Variants in WWC2 observed in about 807,000 individuals in gnomAD.
WWC2 encodes the protein protein WWC2.
In WWC2, 101 loss-of-function variants were observed where a neutral mutation model predicts 138.5. The observed-to-expected ratio is 0.73, with a 90% CI of 0.62 to 0.86. The LOEUF (loss-of-function observed/expected upper bound fraction) is 0.86. Among genes scored for constraint, WWC2 ranks in the 40% least tolerant of loss-of-function variants. The pLI is 0.00. For missense variants in WWC2, 1,420 were observed against 1,419.4 expected, an observed-to-expected ratio of 1.00 and a Z score of -0.01; for synonymous variants, 558 against 538.4, an observed-to-expected ratio of 1.04 and a Z score of -0.50.
At position 183,207,960 on chromosome 4, in the gene WWC2, G is replaced by T; in HGVS notation, c.249G>T (p.Thr83=). The change falls in exon 3 of 23, where the codon ACG becomes ACT. Residue 83 remains threonine, a synonymous_variant. Coordinates refer to ENST00000403733, the MANE Select transcript of WWC2 (RefSeq NM_024949.6). ...VYYIDHINKT[T]QIEDPRKQWR... Reference sequence around the variant, plus strand: ...TCCACCTAATGTTTTCAGAAACCACGCAGATAGAAGATCCAAGAAAACAAT... The same window carrying T: ...TCCACCTAATGTTTTCAGAAACCACTCAGATAGAAGATCCAAGAAAACAAT... 6.2e-7 allele frequency: 1 copy of T among 1,607,236 alleles called. No individual in the cohort carries two copies. Among genetic ancestry groups the T allele is most frequent in the Non-Finnish European group, 8.5e-7 (1 of 1,176,608 alleles).
At chr4:183,292,346 GAA>G (rs70956575) in intron 21 of WWC2, among the ~76,000 whole-genome samples, 20 of 145,616 alleles carry the variant, frequency 1.4e-4, no homozygotes, top group South Asian at 2.2e-4. Flanking sequence ...CATCTCCATG[GAA>G]AAAAAAAAAA....
intron 9 of WWC2, among the ~76,000 whole-genome samples, chr4:183,257,492 G>A (rs1053177103): frequency 6.6e-6 from 1 of 152,146 alleles, no homozygotes; most frequent in East Asian, 1.9e-4. Context: ...CCAGGGGGAG[G>A]AATCTTTTAA....
chr4:183,126,431 G>T (rs533145757), intron 1 of WWC2, among the ~76,000 whole-genome samples: 22 of 152,294 alleles, frequency 1.4e-4, no homozygotes, highest in African/African-American at 5.3e-4. Context: ...GCATCATGGG[G>T]CTTCTCAAAT....
chr4:183,269,170 T>G lies in WWC2; in HGVS notation c.2400+7T>G. The G allele has an allele frequency of 6.3e-7, 1 of 1,595,280 alleles. No individual in the cohort carries two copies. The highest frequency in any genetic ancestry group is 2.2e-5 in the East Asian group (1 of 44,542). ...CCGAAGGGAAGAATGCCTGGTAGGA[T>G]TCTTCATAATTCCCATTACCAAATA... is the stretch of plus-strand genomic sequence containing the variant. On this transcript the variant is annotated splice_region_variant and intron_variant, in intron 15 of 22. Transcript: ENST00000403733.
At chr4:183,260,772 G>A in intron 10 of WWC2, 138 bp from the exon 11 acceptor site, 1 of 1,158,360 alleles carries the variant, frequency 8.6e-7, no homozygotes, top group African/African-American at 1.6e-5. Flanking sequence ...GTAATATAGG[G>A]AGTTCCTCTG....
chr4:183,314,835 G>A (rs955306893), intron 22 of WWC2, among the ~76,000 whole-genome samples: 2 of 152,164 alleles, frequency 1.3e-5, no homozygotes, highest in African/African-American at 4.8e-5. Context: ...TCGTTCCAGT[G>A]TCCATAGTGT....
chr4:183,244,743 T>TA (rs112249633), intron 5 of WWC2, among the ~76,000 whole-genome samples: 6,587 of 152,234 alleles, frequency 0.043, 507 homozygotes, highest in African/African-American at 0.15. Flanking sequence ...AAACATTATG[T>TA]AAATCAGGTG....
At chr4:183,284,039 A>C (rs1188584630) in intron 18 of WWC2, among the ~76,000 whole-genome samples, 187 bp from the exon 19 acceptor site, 2 of 152,234 alleles carry the variant, frequency 1.3e-5, no homozygotes, top group African/African-American at 4.8e-5. Context: ...AGAAAACTGA[A>C]GAACAATTCT....
chr4:183,271,075 C>G lies in WWC2; in HGVS notation c.2401-5C>G. On this transcript the variant is annotated splice_region_variant and splice_polypyrimidine_tract_variant and intron_variant, in intron 15 of 22. Transcript: ENST00000403733. ...TTTTTTCTTTGTTTTCTTTCACTTA[C>G]ATAGGCTGGAACTCAGATCAGCCTG... The G allele has an allele frequency of 6.5e-7, 1 of 1,536,788 alleles. No homozygotes were observed. The highest frequency in any genetic ancestry group is 1.4e-5 in the African/African-American group (1 of 71,796).
At chr4:183,132,476 C>G (rs1406131338) in intron 1 of WWC2, among the ~76,000 whole-genome samples, 1 of 147,296 alleles carries the variant, frequency 6.8e-6, no homozygotes, top group East Asian at 2.0e-4. Flanking sequence ...TTTTTTGAGA[C>G]GGAGTCTCGC....
At chr4:183,269,311 T>TC in intron 15 of WWC2, 148 bp downstream of exon 15, 1 of 795,742 alleles carries the variant, frequency 1.3e-6, no homozygotes, top group South Asian at 1.6e-5. Context: ...TTCATTTTTT[T>TC]CTGAAGTAGT....
At position 183,289,432 on chromosome 4, in the gene WWC2, T is replaced by C; in HGVS notation, c.3181T>C (p.Cys1061Arg). The change falls in exon 21 of 23, where the codon TGC (cysteine) becomes CGC (arginine). Residue 1061 changes from cysteine (C) to arginine (R), a missense_variant. Physicochemically the swap from Cys to Arg is radical, Grantham distance 180. Coordinates refer to ENST00000403733, the MANE Select transcript of WWC2 (RefSeq NM_024949.6). ...AGTCCTTAGAAGAACAACACAGGAATGCCCAGTGCGGACATCTCTAGACTT... is the reference window on the plus strand; with the variant it reads ...AGTCCTTAGAAGAACAACACAGGAACGCCCAGTGCGGACATCTCTAGACTT... ...QSVLRRTTQE[C>R]PVRTSLDLEL... 6.2e-7 allele frequency: 1 copy of C among 1,612,436 alleles called. No individual in the cohort carries two copies. Among genetic ancestry groups the C allele is most frequent in the Non-Finnish European group, 8.5e-7 (1 of 1,179,200 alleles).
At chr4:183,298,867 C>T (rs1738725888) in intron 21 of WWC2, among the ~76,000 whole-genome samples, 1 of 152,128 alleles carries the variant, frequency 6.6e-6, no homozygotes, top group Non-Finnish European at 1.5e-5. Flanking sequence ...AGGGTACATG[C>T]AGTACTTTGA....
chr4:183,237,743 T>A (rs1288987973), intron 4 of WWC2, among the ~76,000 whole-genome samples: 1 of 152,216 alleles, frequency 6.6e-6, no homozygotes, highest in Non-Finnish European at 1.5e-5. Flanking sequence ...ATCTGCTTTG[T>A]CCAAAGCACT....
chr4:183,319,568 G>A lies in WWC2; in HGVS notation c.*3839G>A. The A allele has an allele frequency of 6.2e-7, 1 of 1,611,594 alleles. No individual in the cohort carries two copies. Among genetic ancestry groups the A allele is most frequent in the Non-Finnish European group, 8.5e-7 (1 of 1,178,740 alleles). On this transcript the variant is annotated 3_prime_UTR_variant, in exon 23 of 23. Transcript: ENST00000403733. ...TGTCCTTTCTGGCTTAGTGTTTCAGGTTGGTGTTTCTCGTCTCCAGTTCTT... is the reference window on the plus strand; with the variant it reads ...TGTCCTTTCTGGCTTAGTGTTTCAGATTGGTGTTTCTCGTCTCCAGTTCTT...
rs116904213 is a variant in WWC2 at position 183,187,082 on chromosome 4, G to A, written c.132-6517G>A. Among the ~76,000 whole-genome samples, 75 of 152,180 alleles carry A rather than the reference G, an allele frequency of 4.9e-4. 1 individual carries two copies. The East Asian group carries it at 0.01, about 20-fold the overall frequency. On this transcript the variant is annotated intron_variant, in intron 1 of 22. Transcript: ENST00000403733. ...GGCCAAGTCCTAGGGTGACAAATTAGTTATCTGCTTGGCTGTCCTCACCTT... is the reference window on the plus strand; with the variant it reads ...GGCCAAGTCCTAGGGTGACAAATTAATTATCTGCTTGGCTGTCCTCACCTT...
At chr4:183,219,285 CAT>C (rs1735853502) in intron 4 of WWC2, among the ~76,000 whole-genome samples, 1 of 152,068 alleles carries the variant, frequency 6.6e-6, no homozygotes, top group Non-Finnish European at 1.5e-5. Context: ...CTTAATACCA[CAT>C]GATTGTATAC....
At chr4:183,219,892 C>G (rs567974684) in intron 4 of WWC2, among the ~76,000 whole-genome samples, 1 of 151,926 alleles carries the variant, frequency 6.6e-6, no homozygotes, top group Non-Finnish European at 1.5e-5. Flanking sequence ...TTTAATATGG[C>G]AGAGTTAACT....
rs117158085 is a variant in WWC2, at chr4:183,110,608, A to G, written c.131+10986A>G. 9.3e-4 allele frequency among the ~76,000 whole-genome samples: 141 copies of G among 152,308 alleles called. 2 individuals are homozygous for G. In the East Asian group the frequency reaches 0.021, roughly 23 times the overall value. ...CTCCTGTAGCTCATGAGGAATTACA[A>G]TAGTTCCAATAGAGCATTTGAATAA... On this transcript the variant is annotated intron_variant, in intron 1 of 22. Transcript: ENST00000403733.
Sources: allele counts gnomAD v4.1 joint callset (sites outside exome capture counted in the v4.1 genomes callset), GRCh38; gene constraint gnomAD v4.1.1; transcripts MANE v1.5; gene names NCBI Gene and HGNC (gene_info 2026-07-23, HGNC 2026-07-21).